CRYBG1: variants seen among roughly 807,000 people sequenced by gnomAD.
CRYBG1 encodes beta/gamma crystallin domain-containing protein 1.
In CRYBG1, 139 loss-of-function variants were observed where a neutral mutation model predicts 189.2. The ratio of observed to expected loss-of-function variants is 0.73; its 90% CI spans 0.64 to 0.85. The LOEUF (loss-of-function observed/expected upper bound fraction) is 0.85. CRYBG1 is among the 40% of genes least tolerant of loss of function. CRYBG1 has a pLI of 0.00. For missense variants in CRYBG1, 2,611 were observed against 2,675.8 expected (o/e 0.98, Z 0.53); for synonymous variants, 1,023 against 1,017.1 (o/e 1.01, Z -0.11).
intron 2 of CRYBG1, among the ~76,000 whole-genome samples, chr6:106,469,528 T>A (rs545505738): frequency 6.6e-6 from 1 of 152,220 alleles, no homozygotes; most frequent in Non-Finnish European, 1.5e-5. Context: ...CTTAATTTCC[T>A]TAATGATTTT....
At chr6:106,452,870 A>T (rs1255370489) in intron 2 of CRYBG1, among the ~76,000 whole-genome samples, 2 of 152,210 alleles carry the variant, frequency 1.3e-5, no homozygotes, top group African/African-American at 2.4e-5. Flanking sequence ...GGTGAGTGAG[A>T]GCTAGTTTAG....
At chr6:106,539,096 T>C (rs1774070933) in intron 8 of CRYBG1, among the ~76,000 whole-genome samples, 1 of 152,214 alleles carries the variant, frequency 6.6e-6, no homozygotes, top group Admixed American at 6.5e-5. Context: ...AGGGAGATGT[T>C]AGCTGTTACT....
At chr6:106,493,520 CAA>C (rs1480704117) in intron 2 of CRYBG1, among the ~76,000 whole-genome samples, 1 of 152,058 alleles carries the variant, frequency 6.6e-6, no homozygotes, top group Non-Finnish European at 1.5e-5. Flanking sequence ...AGCAGGATCT[CAA>C]AGAGATATTT....
chr6:106,490,994 A>G (rs1159624807), intron 2 of CRYBG1, among the ~76,000 whole-genome samples: 1 of 152,220 alleles, frequency 6.6e-6, no homozygotes, highest in East Asian at 1.9e-4. Context: ...TGTGATATTA[A>G]TTTAACGAAG....
chr6:106,519,178 A>C lies in CRYBG1; in HGVS notation c.1970A>C (p.Asn657Thr), dbSNP rs748322417. The C allele has an allele frequency of 2.5e-6, 4 of 1,614,024 alleles. No homozygotes were observed. Among genetic ancestry groups the C allele is most frequent in the Non-Finnish European group, 3.4e-6 (4 of 1,180,044 alleles). The change falls in exon 4 of 22, where the codon AAT (asparagine) becomes ACT (threonine). Residue 657 changes from asparagine to threonine, a missense_variant. Around this residue, in one of 3 missense-constraint regions of CRYBG1, gnomAD observed 985 missense variants for 924.4 expected, o/e 1.07. Transcript: ENST00000633556. ...GAACTAAATCTTAAAACCCCTAAGA[A>C]TCTTGACAGTTTGGGAAATGAGCAC... is the stretch of plus-strand genomic sequence containing the variant. Reference protein sequence around the residue: ...HVELNLKTPKNLDSLGNEHNP... With the variant: ...HVELNLKTPKTLDSLGNEHNP...
intron 2 of CRYBG1, among the ~76,000 whole-genome samples, chr6:106,452,384 A>T (rs1054334530): frequency 2.0e-5 from 3 of 149,858 alleles, no homozygotes; most frequent in Non-Finnish European, 3.0e-5. Flanking sequence ...AGATCATGCC[A>T]CTGCACTCCA....
At chr6:106,417,684 T>C (rs1771050167) in intron 1 of CRYBG1, among the ~76,000 whole-genome samples, 1 of 152,234 alleles carries the variant, frequency 6.6e-6, no homozygotes, top group African/African-American at 2.4e-5. Flanking sequence ...CTACTTGGCC[T>C]GCCACACTCA....
chr6:106,499,179 G>T (rs1772931300), intron 2 of CRYBG1, among the ~76,000 whole-genome samples: 1 of 128,272 alleles, frequency 7.8e-6, no homozygotes, highest in Non-Finnish European at 1.6e-5. Flanking sequence ...TTGAGACGGA[G>T]TCTCTCTCTG....
At position 106,512,880 on chromosome 6, in the gene CRYBG1, G is replaced by A; in HGVS notation, c.1763G>A (p.Arg588Lys). The A allele has an allele frequency of 6.3e-7, 1 of 1,596,820 alleles. No individual in the cohort carries two copies. Among genetic ancestry groups the A allele is most frequent in the Non-Finnish European group, 8.5e-7 (1 of 1,172,018 alleles). ...LLPEIKPEHK[R>K]GPLPNHFNGR... ...CCGGAGATCAAGCCCGAGCACAAGA[G>A]GGGCCCGCTCCCCAACCACTTCAAC... The change falls in exon 3 of 22, where the codon AGG (arginine) becomes AAG (lysine). Residue 588 changes from arginine (R) to lysine (K), a missense_variant. This residue lies in a region of CRYBG1 where 985 missense variants were observed against 924.4 expected (regional missense o/e 1.07). Coordinates refer to ENST00000633556, the MANE Select transcript of CRYBG1 (RefSeq NM_001371242.2).
chr6:106,450,709 C>A (rs1196563672), intron 1 of CRYBG1, among the ~76,000 whole-genome samples: 8 of 152,236 alleles, frequency 5.3e-5, no homozygotes, highest in African/African-American at 1.7e-4. Context: ...GCTAATCCTG[C>A]ACATGGTCCC....
intron 2 of CRYBG1, among the ~76,000 whole-genome samples, chr6:106,507,938 G>A (rs970021588): frequency 6.6e-6 from 1 of 152,136 alleles, no homozygotes; most frequent in African/African-American, 2.4e-5. Flanking sequence ...AATGACACGA[G>A]ATCCCTCATT....
intron 5 of CRYBG1, 23 bp downstream of exon 5, chr6:106,525,203 G>A: frequency 6.2e-7 from 1 of 1,614,032 alleles, no homozygotes; most frequent in Non-Finnish European, 8.5e-7. Context: ...TCTGTTTCTA[G>A]TCTTGATTCT....
At chr6:106,486,991 T>C (rs1258174475) in intron 2 of CRYBG1, among the ~76,000 whole-genome samples, 1 of 152,154 alleles carries the variant, frequency 6.6e-6, no homozygotes, top group African/African-American at 2.4e-5. Context: ...TATTCTTTTC[T>C]TTCTCTTTTT....
chr6:106,434,746 A>C (rs1399499193), intron 1 of CRYBG1, among the ~76,000 whole-genome samples: 2 of 152,354 alleles, frequency 1.3e-5, no homozygotes, highest in Non-Finnish European at 2.9e-5. Context: ...ATAAAACTCT[A>C]TTTACAAAAA....
intron 2 of CRYBG1, among the ~76,000 whole-genome samples, chr6:106,482,465 G>A (rs972020068): frequency 1.2e-4 from 18 of 150,670 alleles, no homozygotes; most frequent in Admixed American, 2.7e-4. Context: ...CAGAGAGCAG[G>A]AATCTGGGAG....
chr6:106,396,674 G>A (rs1770621119), intron 1 of CRYBG1, among the ~76,000 whole-genome samples: 1 of 152,114 alleles, frequency 6.6e-6, no homozygotes, highest in African/African-American at 2.4e-5. Flanking sequence ...AAGACCTCAG[G>A]GCAACACCTG....
rs1187911858 is a variant in CRYBG1, at chr6:106,521,299, A to G, written c.4091A>G (p.Asn1364Ser). The G allele has an allele frequency of 6.2e-7, 1 of 1,614,176 alleles. No individual in the cohort carries two copies. The highest frequency in any genetic ancestry group is 8.5e-7 in the Non-Finnish European group (1 of 1,180,034). ...TTTTCTGAATTGTCAAAACTGAAGA[A>G]TGATGATATGGAAAAGGCTAATCAT... ...TKFSELSKLK[N>S]DDMEKANHIE... Residue 1364 changes from asparagine (N) to serine (S), a missense_variant, in exon 4 of 22, where the codon AAT becomes AGT. Coordinates refer to ENST00000633556, the MANE Select transcript of CRYBG1 (RefSeq NM_001371242.2).
intron 16 of CRYBG1, among the ~76,000 whole-genome samples, chr6:106,554,796 T>G (rs1035782846): frequency 6.6e-6 from 1 of 152,092 alleles, no homozygotes; most frequent in African/African-American, 2.4e-5. Context: ...AGCAGGGACT[T>G]TGGTTCTCTG....
At chr6:106,390,587 T>TC (rs1770481221) in intron 1 of CRYBG1, among the ~76,000 whole-genome samples, 1 of 118,376 alleles carries the variant, frequency 8.4e-6, no homozygotes, top group Non-Finnish European at 2.0e-5. Flanking sequence ...TCTTGTGCAC[T>TC]CCCCCTACGC....
Sources: gnomAD v4.1 joint callset for allele counts (sites outside exome capture counted in the v4.1 genomes callset) on GRCh38, gnomAD v4.1.1 for gene constraint, gnomAD v4.1.1 regional missense constraint, MANE v1.5 for transcripts, NCBI Gene and HGNC (gene_info 2026-07-23, HGNC 2026-07-21) for gene names.